The following SIDT1 variants were observed in gnomAD, a reference collection of about 807,000 sequenced individuals.
SIDT1 encodes SID1 transmembrane family, member 1.
A neutral mutation model predicts 107.5 loss-of-function variants in SIDT1; 101 were observed. That is an observed-to-expected ratio of 0.94 (90% confidence interval 0.80 to 1.11). The LOEUF is 1.11. SIDT1 is among the 50% of genes least tolerant of loss of function. The pLI, the probability that SIDT1 is intolerant of heterozygous loss-of-function variation, is 0.00. For synonymous variants in SIDT1, 395 were observed against 398.2 expected, an observed-to-expected ratio of 0.99 and a Z score of 0.10; for missense variants, 1,076 against 1,058.2, an observed-to-expected ratio of 1.02 and a Z score of -0.23.
At chr3:113,613,746 G>C (rs1205893932) in intron 19 of SIDT1, among the ~76,000 whole-genome samples, 1 of 152,226 alleles carries the variant, frequency 6.6e-6, no homozygotes, top group Non-Finnish European at 1.5e-5. Context: ...ATAAACTTGA[G>C]TGCAGATATA....
intron 17 of SIDT1, among the ~76,000 whole-genome samples, chr3:113,609,346 G>A (rs1269611150): frequency 1.3e-5 from 2 of 151,984 alleles, no homozygotes; most frequent in African/African-American, 4.8e-5. Context: ...GATTACAGGC[G>A]TGAGCCACCA....
chr3:113,594,309 G>A (rs1312867343), intron 10 of SIDT1, among the ~76,000 whole-genome samples: 6 of 152,206 alleles, frequency 3.9e-5, no homozygotes, highest in Non-Finnish European at 8.8e-5. Flanking sequence ...ACCTGCTCTC[G>A]TGGCTTTAAA....
At chr3:113,584,546 G>A in intron 7 of SIDT1, 152 bp from the exon 8 acceptor site, 1 of 592,480 alleles carries the variant, frequency 1.7e-6, no homozygotes, top group Admixed American at 3.5e-5. Flanking sequence ...GAAGGTTTGG[G>A]GGTTACATAT....
intron 9 of SIDT1, among the ~76,000 whole-genome samples, chr3:113,588,440 T>G (rs1943896157): frequency 6.6e-6 from 1 of 152,238 alleles, no homozygotes; most frequent in Non-Finnish European, 1.5e-5. Context: ...AGTTACTTGA[T>G]GAGTCCCTTA....
At chr3:113,548,201 GGT>G (rs2107638821) in intron 1 of SIDT1, among the ~76,000 whole-genome samples, 1 of 151,822 alleles carries the variant, frequency 6.6e-6, no homozygotes, top group South Asian at 2.1e-4. Context: ...GCATTATTGT[GGT>G]ACACTAATAG....
In SIDT1 at chr3:113,609,275, G is replaced by A. The variant is rs142885656; in HGVS notation, c.1720+739G>A. Among the ~76,000 whole-genome samples, 356 of 151,622 alleles carry A rather than the reference G, an allele frequency of 2.3e-3. 4 individuals carry two copies. Among genetic ancestry groups the A allele is most frequent in the South Asian group, 9.2e-3 (44 of 4,794 alleles). On this transcript the variant is annotated intron_variant, in intron 17 of 24. Transcript: ENST00000264852. ...GAGATGGGGTTTCACCATGTTGGCCGGGCTGGTCTCAAACTCCTAACCTCA... is the reference window on the plus strand; with the variant it reads ...GAGATGGGGTTTCACCATGTTGGCCAGGCTGGTCTCAAACTCCTAACCTCA...
chr3:113,601,417 G>A lies in SIDT1; in HGVS notation c.1046-171G>A, dbSNP rs1944950015. On this transcript the variant is annotated intron_variant, in intron 10 of 24. Coordinates refer to ENST00000264852, the MANE Select transcript of SIDT1 (RefSeq NM_017699.3). Reference sequence around the variant, plus strand: ...TAGTTGAAGAGCCATACAGAAACAGGTGGCAGGCTAGATTTGGCAGATGGG... The same window carrying A: ...TAGTTGAAGAGCCATACAGAAACAGATGGCAGGCTAGATTTGGCAGATGGG... 8 of 504,418 alleles carry A rather than the reference G, an allele frequency of 1.6e-5. No homozygotes were observed. The Admixed American group carries it at 3.0e-4, about 19-fold the overall frequency. 31.2% of individuals were successfully genotyped at this position (504,418 alleles called of 1,614,324 possible). A position where few individuals can be genotyped will look rare whatever the true frequency, so the allele number is the denominator to read the frequency against.
rs1419948089 is a variant in SIDT1 at position 113,629,275 on chromosome 3, A to G, written c.*1567A>G. The G allele has an allele frequency of 6.6e-6, 1 of 152,192 alleles. No homozygotes were observed. The highest frequency in any genetic ancestry group is 1.5e-5 in the Non-Finnish European group (1 of 68,042). 9.4% of individuals were successfully genotyped at this position (152,192 alleles called of 1,614,324 possible). ...TTTTGTGATTTTTTTAAAGTCCCCA[A>G]ATGTGTACTTAGCCTTCTGTTATTC... On this transcript the variant is annotated 3_prime_UTR_variant, in exon 25 of 25. Coordinates refer to ENST00000264852, the MANE Select transcript of SIDT1 (RefSeq NM_017699.3).
At chr3:113,613,591 T>A (rs1289079418) in intron 19 of SIDT1, among the ~76,000 whole-genome samples, 1 of 152,226 alleles carries the variant, frequency 6.6e-6, no homozygotes, top group Non-Finnish European at 1.5e-5. Context: ...CCCAGTTACT[T>A]GAGCCAGTTG....
chr3:113,563,935 C>T (rs949345764), intron 1 of SIDT1, among the ~76,000 whole-genome samples: 1 of 151,496 alleles, frequency 6.6e-6, no homozygotes. Flanking sequence ...GTGTGTACTT[C>T]TTTTTCTTTT....
intron 1 of SIDT1, among the ~76,000 whole-genome samples, chr3:113,552,090 C>A (rs1477828969): frequency 2.0e-5 from 3 of 152,118 alleles, no homozygotes; most frequent in African/African-American, 7.2e-5. Context: ...GTGACTCACA[C>A]CTATCTTAAA....
chr3:113,622,336 C>A (rs537847727), intron 21 of SIDT1, among the ~76,000 whole-genome samples: 2 of 151,584 alleles, frequency 1.3e-5, no homozygotes, highest in Non-Finnish European at 1.5e-5. Context: ...TGGTGGCATG[C>A]GTCTGTAATC....
Position 113,603,022 on chromosome 3 carries a change from C to A in SIDT1, c.1135C>A (p.Pro379Thr). Residue 379 changes from proline to threonine, a missense_variant, in exon 12 of 25, where the codon CCT (proline) becomes ACT (threonine). Physicochemically the swap from Pro to Thr is conservative, Grantham distance 38. Coordinates refer to ENST00000264852, the MANE Select transcript of SIDT1 (RefSeq NM_017699.3). ...YGTIDESSSS[P>T]GRQMSSSDGG... is the part of the protein sequence containing the mutation. Reference sequence around the variant, plus strand: ...TGTTTCAGATGAGTCAAGCTCCAGTCCTGGAAGGCAGATGTCCTCCTCCGA... The same window carrying A: ...TGTTTCAGATGAGTCAAGCTCCAGTACTGGAAGGCAGATGTCCTCCTCCGA... The A allele has an allele frequency of 6.2e-7, 1 of 1,614,010 alleles. No homozygotes were observed. The highest frequency in any genetic ancestry group is 8.5e-7 in the Non-Finnish European group (1 of 1,179,962).
Position 113,616,093 on chromosome 3 carries a change from T to C in SIDT1, c.1967-7T>C, listed in dbSNP as rs1031001754. 6.2e-7 allele frequency: 1 copy of C among 1,609,486 alleles called. No individual in the cohort carries two copies. The highest frequency in any genetic ancestry group is 1.3e-5 in the African/African-American group (1 of 74,980). ...GCCTTCTCACCATGCATTTGTATTA[T>C]CAGCAGATTTGGGAATTTTCCGGCG... On this transcript the variant is annotated splice_polypyrimidine_tract_variant and splice_region_variant and intron_variant, in intron 19 of 24. Transcript: ENST00000264852.
At position 113,569,968 on chromosome 3, in the gene SIDT1, T is replaced by C. The variant is rs374285279; in HGVS notation, c.515+2258T>C. On this transcript the variant is annotated intron_variant, in intron 3 of 24. Coordinates refer to ENST00000264852, the MANE Select transcript of SIDT1 (RefSeq NM_017699.3). ...ATCACCAGGCTGGAGTGCAATGGCA[T>C]GATCTTGGTTCACTGCAACCTCCAC... Among the ~76,000 whole-genome samples the C allele has an allele frequency of 6.0e-4, 91 of 152,304 alleles. 1 individual carries two copies. The highest frequency in any genetic ancestry group is 2.1e-3 in the African/African-American group (88 of 41,570).
chr3:113,540,559 T>C (rs952609857), intron 1 of SIDT1, among the ~76,000 whole-genome samples: 5 of 152,218 alleles, frequency 3.3e-5, no homozygotes, highest in African/African-American at 1.2e-4. Context: ...TAGACCCTGT[T>C]AGTGCTGTCA....
chr3:113,566,289 G>T (rs1941896898), intron 1 of SIDT1, 131 bp from the exon 2 acceptor site: 1 of 822,076 alleles, frequency 1.2e-6, no homozygotes, highest in Non-Finnish European at 1.9e-6. Flanking sequence ...AGAAATTAAA[G>T]TGTTTCTGAG....
intron 19 of SIDT1, among the ~76,000 whole-genome samples, chr3:113,614,103 A>G (rs1945939088): frequency 6.6e-6 from 1 of 152,190 alleles, no homozygotes; most frequent in Admixed American, 6.5e-5. Flanking sequence ...AGAAGGAGAG[A>G]GTTACAGGGA....
At chr3:113,600,155 C>T (rs1436867012) in intron 10 of SIDT1, among the ~76,000 whole-genome samples, 2 of 151,808 alleles carry the variant, frequency 1.3e-5, no homozygotes, top group Non-Finnish European at 1.5e-5. Flanking sequence ...ACTAAAAATA[C>T]AAAAATTAGC....
Sources: gnomAD v4.1 joint callset for allele counts (sites outside exome capture counted in the v4.1 genomes callset) on GRCh38, gnomAD v4.1.1 for gene constraint, MANE v1.5 for transcripts, NCBI Gene and HGNC (gene_info 2026-07-23, HGNC 2026-07-21) for gene names.